XPR1: variants seen among roughly 807,000 people sequenced by gnomAD.
The protein encoded by XPR1 is solute carrier family 53 member 1.
A neutral mutation model predicts 87.5 loss-of-function variants in XPR1; 28 were observed. That is an observed-to-expected ratio of 0.32 (90% CI 0.24 to 0.44). XPR1 has a LOEUF of 0.44. Ranked by LOEUF, XPR1 falls within the 20% of genes least tolerant of loss-of-function variation. The pLI is 1.00. For missense variants in XPR1, 559 were observed against 862.3 expected (o/e 0.65, Z 4.41); for synonymous variants, 300 against 306.1 (o/e 0.98, Z 0.21).
At position 180,834,814 on chromosome 1, in the gene XPR1, T is replaced by C. The variant is rs921709966; in HGVS notation, c.1135-60T>C. 8 of 1,525,904 alleles carry C rather than the reference T, an allele frequency of 5.2e-6. No individual in the cohort carries two copies. The African/African-American group carries it at 9.7e-5, about 19-fold the overall frequency. The allele number at this position is 1,525,904 out of a possible 1,614,324, so 94.5% of individuals were successfully genotyped here. A position where few individuals can be genotyped will look rare whatever the true frequency, so the allele number is the denominator to read the frequency against. ...TCATGCTGAATGGTCAGACATGAAATGGAGACATTTAATACGACTTTTCTT... is the reference window on the plus strand; with the variant it reads ...TCATGCTGAATGGTCAGACATGAAACGGAGACATTTAATACGACTTTTCTT... On this transcript the variant is annotated intron_variant, in intron 9 of 14. Transcript: ENST00000367590.
intron 2 of XPR1, among the ~76,000 whole-genome samples, chr1:180,732,387 G>A (rs1327810821): frequency 6.6e-6 from 1 of 152,004 alleles, no homozygotes; most frequent in Non-Finnish European, 1.5e-5. Flanking sequence ...AGAAGCTCAT[G>A]TATTTTTTAT....
intron 2 of XPR1, among the ~76,000 whole-genome samples, chr1:180,740,364 T>G (rs1658874223): frequency 6.6e-6 from 1 of 152,172 alleles, no homozygotes; most frequent in African/African-American, 2.4e-5. Context: ...CTGAGAGATT[T>G]TATTGTTGAT....
At chr1:180,744,646 A>ATTTTTTTTTTTTTTTTTTTTT (rs1295757177) in intron 2 of XPR1, among the ~76,000 whole-genome samples, 2 of 48,194 alleles carry the variant, frequency 4.1e-5, no homozygotes, top group African/African-American at 9.2e-5. Flanking sequence ...TTTAGGCACA[A>ATTTTTTTTTTTTTTTTTTTTT]TTTCTTTCTT....
chr1:180,808,742 A>G (rs1337451435), intron 6 of XPR1, among the ~76,000 whole-genome samples: 2 of 152,210 alleles, frequency 1.3e-5, no homozygotes, highest in Non-Finnish European at 2.9e-5. Context: ...AAACCACGGT[A>G]AGATAATACA....
chr1:180,693,850 T>C (rs1234391979), intron 2 of XPR1, among the ~76,000 whole-genome samples: 1 of 152,230 alleles, frequency 6.6e-6, no homozygotes, highest in Non-Finnish European at 1.5e-5. Flanking sequence ...AAAGACTCTT[T>C]TTTCCAATAA....
intron 11 of XPR1, among the ~76,000 whole-genome samples, chr1:180,846,227 G>A (rs9661675): frequency 0.51 from 75,490 of 148,384 alleles, 19,944 homozygotes; most frequent in African/African-American, 0.61. Flanking sequence ...ACGCCACTGC[G>A]CTCTAGCCTG....
chr1:180,728,298 G>T (rs543133764), intron 2 of XPR1, among the ~76,000 whole-genome samples: 1 of 33,794 alleles, frequency 3.0e-5, no homozygotes, highest in Admixed American at 2.7e-4. Flanking sequence ...GTTTATAACT[G>T]GGGGGGGGGG....
At chr1:180,783,508 AAC>A (rs1649023492) in intron 2 of XPR1, among the ~76,000 whole-genome samples, 1 of 152,024 alleles carries the variant, frequency 6.6e-6, no homozygotes, top group African/African-American at 2.4e-5. Flanking sequence ...AGGTAACCAC[AAC>A]AGATTGTTAT....
At chr1:180,680,987 A>G (rs984238561) in intron 1 of XPR1, among the ~76,000 whole-genome samples, 1 of 151,490 alleles carries the variant, frequency 6.6e-6, no homozygotes, top group Non-Finnish European at 1.5e-5. Context: ...GTTCTCACTC[A>G]TATGTGGAAC....
intron 3 of XPR1, among the ~76,000 whole-genome samples, chr1:180,796,231 C>A (rs1649569905): frequency 6.6e-6 from 1 of 152,224 alleles, no homozygotes; most frequent in Admixed American, 6.5e-5. Flanking sequence ...AGCTTTCTGG[C>A]GATCTGGCTC....
chr1:180,688,709 A>G (rs1656872737), intron 2 of XPR1, among the ~76,000 whole-genome samples: 1 of 152,184 alleles, frequency 6.6e-6, no homozygotes, highest in Admixed American at 6.5e-5. Context: ...CCCGTTTGAC[A>G]TTGTGTCAAG....
intron 1 of XPR1, among the ~76,000 whole-genome samples, chr1:180,661,041 A>G (rs1655754910): frequency 6.6e-6 from 1 of 152,142 alleles, no homozygotes; most frequent in African/African-American, 2.4e-5. Flanking sequence ...TGTTTCATGC[A>G]TATATATTTA....
chr1:180,646,902 A>G (rs73047702), intron 1 of XPR1, among the ~76,000 whole-genome samples: 27,235 of 152,036 alleles, frequency 0.18, 3,614 homozygotes, highest in African/African-American at 0.38. Flanking sequence ...TATAAAGCCT[A>G]CCACAAGATG....
intron 11 of XPR1, among the ~76,000 whole-genome samples, chr1:180,852,986 A>G (rs1651913875): frequency 6.6e-6 from 1 of 152,180 alleles, no homozygotes; most frequent in Non-Finnish European, 1.5e-5. Context: ...CACAGATTGC[A>G]ATGGTGCAAT....
chr1:180,708,298 T>C (rs1474643958), intron 2 of XPR1, among the ~76,000 whole-genome samples: 1 of 152,196 alleles, frequency 6.6e-6, no homozygotes, highest in Non-Finnish European at 1.5e-5. Context: ...TAAAGAAGTA[T>C]GTTCAATTTC....
chr1:180,667,485 A>C (rs1455757013), intron 1 of XPR1, among the ~76,000 whole-genome samples: 3 of 152,084 alleles, frequency 2.0e-5, no homozygotes, highest in Non-Finnish European at 2.9e-5. Flanking sequence ...TTCTAATATG[A>C]TGCTGATTTT....
rs1427730169 is a variant in XPR1 at position 180,880,255 on chromosome 1, A to G, written c.1988A>G (p.Tyr663Cys). ...RNRQKNRSWK[Y>C]NQSISLRRPR... ...CGCCAGAAGAATCGGTCATGGAAGTACAACCAGAGCATATCCCTGCGCCGG... is the reference window on the plus strand; with the variant it reads ...CGCCAGAAGAATCGGTCATGGAAGTGCAACCAGAGCATATCCCTGCGCCGG... The change falls in exon 14 of 15, where the codon TAC becomes TGC. Residue 663 changes from tyrosine (Y) to cysteine (C), a missense_variant. Tyr to Cys is a radical substitution (Grantham distance 194). Coordinates refer to ENST00000367590, the MANE Select transcript of XPR1 (RefSeq NM_004736.4). 2.5e-6 allele frequency: 4 copies of G among 1,614,112 alleles called. No homozygotes were observed. The Admixed American group carries it at 5.0e-5, about 20-fold the overall frequency.
rs1571718397 is a variant in XPR1 at position 180,682,522 on chromosome 1, C to A, written c.121+111C>A. On this transcript the variant is annotated intron_variant, in intron 2 of 14. Transcript: ENST00000367590. ...TGATAACCTGTCCTATTATATAGGT[C>A]TTTTTTTCCCTTTTAATAATATATA... 1.2e-5 allele frequency: 6 copies of A among 511,724 alleles called. No individual in the cohort carries two copies. In the East Asian group the frequency reaches 2.4e-4, roughly 20 times the overall value. 31.7% of individuals were successfully genotyped at this position (511,724 alleles called of 1,614,324 possible).
At chr1:180,704,277 T>TATATATATATATATATATATATATATA (rs59197475) in intron 2 of XPR1, among the ~76,000 whole-genome samples, 1 of 136,166 alleles carries the variant, frequency 7.3e-6, no homozygotes, top group Non-Finnish European at 1.6e-5. Context: ...TATATATATA[T>TATATATATATATATATATATATATATA]TATCAGATTA....
Sources: allele counts gnomAD v4.1 joint callset (sites outside exome capture counted in the v4.1 genomes callset), GRCh38; gene constraint gnomAD v4.1.1; transcripts MANE v1.5; gene names NCBI Gene and HGNC (gene_info 2026-07-23, HGNC 2026-07-21).